CCDC7: variants seen among roughly 807,000 people sequenced by gnomAD.
CCDC7 encodes the protein coiled-coil domain-containing protein 7.
A neutral mutation model predicts 196.9 loss-of-function variants in CCDC7; 183 were observed. The observed-to-expected ratio is 0.93, with a 90% confidence interval of 0.82 to 1.05. The LOEUF (loss-of-function observed/expected upper bound fraction) is 1.05. Among genes scored for constraint, CCDC7 ranks in the 50% least tolerant of loss-of-function variants. CCDC7 has a pLI of 0.00. For synonymous variants in CCDC7, 525 were observed against 484.6 expected, an observed-to-expected ratio of 1.08 and a Z score of -1.10; for missense variants, 1,540 against 1,482.2, an observed-to-expected ratio of 1.04 and a Z score of -0.64.
chr10:32,661,427 GT>G (rs1327358391), intron 20 of CCDC7, among the ~76,000 whole-genome samples: 4 of 152,116 alleles, frequency 2.6e-5, no homozygotes, highest in East Asian at 3.9e-4. Flanking sequence ...TTTTTCCTCT[GT>G]TTTTCTTAAG....
intron 20 of CCDC7, among the ~76,000 whole-genome samples, chr10:32,637,475 A>G (rs1464365070): frequency 6.6e-6 from 1 of 152,196 alleles, no homozygotes; most frequent in Non-Finnish European, 1.5e-5. Flanking sequence ...AGCACCATTT[A>G]TTAACTAGGG....
At chr10:32,688,939 C>A in intron 22 of CCDC7, 114 bp from the exon 24 acceptor site, 1 of 685,462 alleles carries the variant, frequency 1.5e-6, no homozygotes, top group Non-Finnish European at 2.6e-6. Flanking sequence ...GTAATTTATT[C>A]ATAACTTTAC....
intron 2 of CCDC7, among the ~76,000 whole-genome samples, chr10:32,454,894 A>G (rs1300317602): frequency 6.6e-6 from 1 of 152,140 alleles, no homozygotes; most frequent in Non-Finnish European, 1.5e-5. Context: ...GGGAAACATA[A>G]TCCATTGGTC....
chr10:32,611,688 C>T (rs1391544351), intron 18 of CCDC7, among the ~76,000 whole-genome samples: 2 of 152,154 alleles, frequency 1.3e-5, no homozygotes, highest in Non-Finnish European at 2.9e-5. Flanking sequence ...ATCCTTTCCC[C>T]ATTGCTTGTT....
At chr10:32,602,137 G>A (rs1402609595) in intron 18 of CCDC7, among the ~76,000 whole-genome samples, 1 of 152,074 alleles carries the variant, frequency 6.6e-6, no homozygotes, top group Admixed American at 6.6e-5. Flanking sequence ...CTTCATTCCT[G>A]AAGTCAGCGA....
chr10:32,828,011 G>C (rs757829666), intron 32 of CCDC7, among the ~76,000 whole-genome samples: 9 of 152,088 alleles, frequency 5.9e-5, no homozygotes, highest in Non-Finnish European at 8.8e-5. Flanking sequence ...TGCTACCTGT[G>C]AGGCTTCATC....
exon 32 of CCDC7, chr10:32,824,549 G>A: frequency 6.2e-7 from 1 of 1,612,138 alleles, no homozygotes; most frequent in Non-Finnish European, 8.5e-7. Context: ...GTACAACTGA[G>A]AGAGGTACAA....
At chr10:32,443,720 T>G (rs538608354), upstream of CCDC7, among the ~76,000 whole-genome samples, 1 of 152,338 alleles carries the variant, frequency 6.6e-6, no homozygotes, top group Admixed American at 6.5e-5. Context: ...CTTGAAAACC[T>G]GTAGTATATG....
At chr10:32,706,662 C>G (rs1378813191) in intron 24 of CCDC7, among the ~76,000 whole-genome samples, 1 of 150,658 alleles carries the variant, frequency 6.6e-6, no homozygotes, top group Non-Finnish European at 1.5e-5. Flanking sequence ...CACAGAAATA[C>G]AAACTACCAT....
intron 13 of CCDC7, among the ~76,000 whole-genome samples, chr10:32,562,732 C>T (rs1436864558): frequency 6.7e-6 from 1 of 150,178 alleles, no homozygotes. Context: ...CCCTTTGAAA[C>T]TGGCACAAGA....
intron 28 of CCDC7, among the ~76,000 whole-genome samples, chr10:32,769,636 C>A (rs1402943456): frequency 6.6e-6 from 1 of 151,934 alleles, no homozygotes; most frequent in African/African-American, 2.4e-5. Context: ...CCCCAAGCCC[C>A]CCACCCCTCA....
chr10:32,614,428 A>G (rs7894372), intron 18 of CCDC7, among the ~76,000 whole-genome samples: 21,582 of 151,976 alleles, frequency 0.14, 1,880 homozygotes, highest in African/African-American at 0.25. Context: ...TCATTGGGGC[A>G]TTTAGCCTGT....
intron 18 of CCDC7, among the ~76,000 whole-genome samples, chr10:32,596,782 T>A (rs139509061): frequency 0.076 from 11,532 of 152,236 alleles, 528 homozygotes; most frequent in East Asian, 0.16. Context: ...CCATCACTTA[T>A]GAAGCTTAGT....
rs114999603 is a variant in CCDC7, at chr10:32,723,608, C to T, written c.2570-3126C>T. ...GTAGATTGTTTTGGATGCTTGCAGC[C>T]TTTCATCCCAGTCCTCTCTTCCTCC... On this transcript the variant is annotated intron_variant, in intron 25 of 41. Coordinates refer to ENST00000639629, the Ensembl canonical transcript of CCDC7. 9.5e-3 allele frequency among the ~76,000 whole-genome samples: 1,448 copies of T among 152,126 alleles called. 23 individuals carry two copies. The highest frequency in any genetic ancestry group is 0.027 in the African/African-American group (1,112 of 41,508).
Position 32,582,945 on chromosome 10 carries a change from ATATCCT to A in CCDC7, c.1455-85_1455-80del, listed in dbSNP as rs569770285. 5.2e-5 allele frequency: 39 copies of A among 744,372 alleles called. No homozygotes were observed. The East Asian group carries it at 1.3e-3, about 26-fold the overall frequency. 46.1% of individuals were successfully genotyped at this position (744,372 alleles called of 1,614,324 possible). On this transcript the variant is annotated intron_variant, in intron 16 of 41. Transcript: ENST00000639629. ...ATGAGTAATTATACTTACTTATTTA[ATATCCT>A]TATATATTATTAAAATGATTCTTCA...
At chr10:32,590,269 A>G (rs927930598) in intron 18 of CCDC7, among the ~76,000 whole-genome samples, 1 of 152,094 alleles carries the variant, frequency 6.6e-6, no homozygotes, top group Non-Finnish European at 1.5e-5. Flanking sequence ...AGGCTTGCAA[A>G]TCATATAACC....
chr10:32,451,977 G>A (rs7094838), intron 1 of CCDC7, 56 bp downstream of exon 2: 157,283 of 1,540,808 alleles, frequency 0.1, 8,968 homozygotes, highest in African/African-American at 0.23. Flanking sequence ...CCCAGGTTTA[G>A]TGATGTGCTA....
intron 8 of CCDC7, among the ~76,000 whole-genome samples, chr10:32,479,213 C>A (rs1282823349): frequency 6.6e-6 from 1 of 151,950 alleles, no homozygotes; most frequent in African/African-American, 2.4e-5. Flanking sequence ...CCTTTTATTT[C>A]TTTTCTTGCT....
At chr10:32,473,868 C>G in intron 7 of CCDC7, 99 bp from the exon 9 acceptor site, 2 of 1,130,582 alleles carry the variant, frequency 1.8e-6, no homozygotes, top group Non-Finnish European at 2.4e-6. Context: ...TTTCTTTCTT[C>G]TGAATAAGTT....
Sources: gnomAD v4.1 joint callset for allele counts (sites outside exome capture counted in the v4.1 genomes callset) on GRCh38, gnomAD v4.1.1 for gene constraint, MANE v1.5 for transcripts, NCBI Gene and HGNC (gene_info 2026-07-23, HGNC 2026-07-21) for gene names.